Variants in MAML3 observed in about 807,000 individuals in gnomAD.
MAML3 encodes mastermind-like protein 3.
MAML3 carries 27 observed loss-of-function variants against 101.9 expected under a neutral mutation model. The ratio of observed to expected loss-of-function variants is 0.27; its 90% CI spans 0.20 to 0.37. The LOEUF is 0.37. Among genes scored for constraint, MAML3 ranks in the 10% least tolerant of loss-of-function variants. The probability of loss-of-function intolerance (pLI) is 1.00; values close to 1 mark genes in which losing one functional copy is unlikely to be tolerated. For synonymous variants in MAML3, 501 were observed against 555.9 expected, an observed-to-expected ratio of 0.90 and a Z score of 1.39; for missense variants, 1,316 against 1,444.9, an observed-to-expected ratio of 0.91 and a Z score of 1.45.
intron 1 of MAML3, among the ~76,000 whole-genome samples, chr4:139,904,034 A>G (rs1158608448): frequency 6.6e-6 from 1 of 152,238 alleles, no homozygotes; most frequent in East Asian, 1.9e-4. Flanking sequence ...GGGTGATGTC[A>G]TCATGACTTC....
chr4:140,133,579 C>T lies in MAML3; in HGVS notation c.468+19281G>A, dbSNP rs192711762. ...TATTAAATAATTATAATACAAATCA[C>T]ATGGAGGGGCAAGTTTTTTTTTAAT... On this transcript the variant is annotated intron_variant, in intron 1 of 4. Transcript: ENST00000509479. 5.7e-3 allele frequency among the ~76,000 whole-genome samples: 862 copies of T among 151,710 alleles called. 6 individuals are homozygous for T. Among genetic ancestry groups the T allele is most frequent in the Non-Finnish European group, 0.01 (682 of 68,002 alleles).
chr4:140,001,432 G>A (rs751466179), intron 1 of MAML3, among the ~76,000 whole-genome samples: 1 of 152,196 alleles, frequency 6.6e-6, no homozygotes, highest in Admixed American at 6.5e-5. Context: ...ACCCCCAAGA[G>A]GTCTCAGAGT....
chr4:139,804,209 G>C (rs1560799433), intron 2 of MAML3, among the ~76,000 whole-genome samples: 1 of 151,902 alleles, frequency 6.6e-6, no homozygotes, highest in Non-Finnish European at 1.5e-5. Context: ...TTCAGCTATA[G>C]ACTCTTCCTT....
chr4:140,104,764 T>G (rs1028179479), intron 1 of MAML3, among the ~76,000 whole-genome samples: 2 of 151,890 alleles, frequency 1.3e-5, no homozygotes, highest in Non-Finnish European at 2.9e-5. Flanking sequence ...AGTGCTGGGA[T>G]TACAGACATG....
intron 2 of MAML3, among the ~76,000 whole-genome samples, chr4:139,742,432 A>G (rs911294942): frequency 2.0e-5 from 3 of 152,172 alleles, no homozygotes; most frequent in African/African-American, 7.2e-5. Flanking sequence ...TACAGGCGAG[A>G]GCCACCGCAC....
intron 1 of MAML3, among the ~76,000 whole-genome samples, chr4:139,999,524 T>C (rs1452062728): frequency 1.3e-5 from 2 of 152,244 alleles, no homozygotes; most frequent in Non-Finnish European, 2.9e-5. Flanking sequence ...GAAGTGATTG[T>C]TTTTGTTCAT....
At chr4:139,902,261 A>ACG (rs146598943) in intron 1 of MAML3, among the ~76,000 whole-genome samples, 17 of 70,656 alleles carry the variant, frequency 2.4e-4, no homozygotes, top group African/African-American at 5.3e-4. Context: ...ACGCACACAC[A>ACG]CGCACACACA....
chr4:140,055,497 T>G (rs1019806453), intron 1 of MAML3, among the ~76,000 whole-genome samples: 1 of 152,266 alleles, frequency 6.6e-6, no homozygotes, highest in African/African-American at 2.4e-5. Context: ...ATCAGCTGCC[T>G]GGACGACAAC....
At chr4:140,057,034 A>T (rs1412012395) in intron 1 of MAML3, among the ~76,000 whole-genome samples, 1 of 152,198 alleles carries the variant, frequency 6.6e-6, no homozygotes, top group Non-Finnish European at 1.5e-5. Context: ...CCCAAATCAG[A>T]AGCATAATAA....
intron 1 of MAML3, among the ~76,000 whole-genome samples, chr4:140,132,693 T>G (rs1728815836): frequency 6.6e-6 from 1 of 152,212 alleles, no homozygotes. Context: ...TGAAGACTTC[T>G]CACTTTGCAC....
In MAML3 at chr4:139,889,909, T is replaced by TTGCTGCTGCTGCTGCTGC. The variant is rs58015886; in HGVS notation, c.1509_1526dup (p.Gln505_Gln510dup). 58 of 1,476,650 alleles carry TTGCTGCTGCTGCTGCTGC rather than the reference T, an allele frequency of 3.9e-5. No individual in the cohort carries two copies. In the East Asian group the frequency reaches 1.2e-3, roughly 32 times the overall value. 91.5% of individuals were successfully genotyped at this position (1,476,650 alleles called of 1,614,324 possible). A position where few individuals can be genotyped will look rare whatever the true frequency, so the allele number is the denominator to read the frequency against. The stretch of plus-strand genomic sequence containing the variant: ...AATTTGAAGTCTGATTTGAGTGCTG[T>TTGCTGCTGCTGCTGCTGC]TGCTGCTGCTGCTGCTGCTGCTGCT... On this transcript the variant is annotated inframe_insertion, in exon 2 of 5. Transcript: ENST00000509479.
intron 1 of MAML3, among the ~76,000 whole-genome samples, chr4:140,090,198 T>C (rs1435314100): frequency 6.6e-6 from 1 of 152,174 alleles, no homozygotes; most frequent in Non-Finnish European, 1.5e-5. Context: ...GGTGTTAATC[T>C]TTCAATGGAC....
chr4:140,151,116 C>T (rs1029366180), intron 1 of MAML3, among the ~76,000 whole-genome samples: 1 of 152,026 alleles, frequency 6.6e-6, no homozygotes. Flanking sequence ...GGCCGCGAGG[C>T]GGACAAAGCG....
intron 1 of MAML3, among the ~76,000 whole-genome samples, chr4:139,957,169 TG>T (rs1380043780): frequency 2.6e-5 from 4 of 152,100 alleles, no homozygotes; most frequent in African/African-American, 4.8e-5. Context: ...GGAAGGAAAA[TG>T]GGAGCAATTC....
At chr4:140,042,837 C>T (rs995516140) in intron 1 of MAML3, among the ~76,000 whole-genome samples, 2 of 151,996 alleles carry the variant, frequency 1.3e-5, no homozygotes, top group African/African-American at 2.4e-5. Context: ...CATTCCAACC[C>T]GGGCACAAAC....
chr4:139,932,345 T>G (rs1733418375), intron 1 of MAML3, among the ~76,000 whole-genome samples: 2 of 152,192 alleles, frequency 1.3e-5, no homozygotes, highest in South Asian at 4.1e-4. Context: ...ATAAAATACT[T>G]TCAAAGAAAC....
At chr4:139,958,004 T>TCTTA (rs1733943668) in intron 1 of MAML3, among the ~76,000 whole-genome samples, 1 of 152,228 alleles carries the variant, frequency 6.6e-6, no homozygotes, top group Admixed American at 6.5e-5. Context: ...AAGAGATTTT[T>TCTTA]CATATCTGAA....
At chr4:139,728,002 G>C (rs1400897686) in intron 3 of MAML3, among the ~76,000 whole-genome samples, 1 of 152,160 alleles carries the variant, frequency 6.6e-6, no homozygotes, top group Non-Finnish European at 1.5e-5. Context: ...GATTGCTTGA[G>C]CCCAGGAGTT....
chr4:140,140,401 T>A (rs546496529), intron 1 of MAML3, among the ~76,000 whole-genome samples: 1 of 151,958 alleles, frequency 6.6e-6, no homozygotes, highest in Non-Finnish European at 1.5e-5. Flanking sequence ...AGGTGCAAGA[T>A]TAAGAGAGAA....
Sources: allele counts gnomAD v4.1 joint callset (sites outside exome capture counted in the v4.1 genomes callset), GRCh38; gene constraint gnomAD v4.1.1; transcripts MANE v1.5; gene names NCBI Gene and HGNC (gene_info 2026-07-23, HGNC 2026-07-21).